Variants in PATJ observed in about 807,000 individuals in gnomAD.
PATJ encodes the protein PATJ crumbs cell polarity complex component, also known as inaD-like protein.
A neutral mutation model predicts 224.9 loss-of-function variants in PATJ; 190 were observed. That is an observed-to-expected ratio of 0.84 (90% CI 0.75 to 0.95). The LOEUF is 0.95. PATJ is among the 40% of genes least tolerant of loss of function. PATJ has a pLI of 0.00. For missense variants in PATJ, 2,121 were observed against 2,270.3 expected (o/e 0.93, Z 1.34); for synonymous variants, 769 against 820.3 (o/e 0.94, Z 1.07).
At position 61,766,387 on chromosome 1, in the gene PATJ, A is replaced by C. The variant is rs1646274589; in HGVS notation, c.298A>C (p.Asn100His). 1.2e-6 allele frequency: 2 copies of C among 1,612,586 alleles called. No individual in the cohort carries two copies. Among genetic ancestry groups the C allele is most frequent in the Non-Finnish European group, 1.7e-6 (2 of 1,179,260 alleles). ...TAATGGAAATGTCCACAGGCCCTCT[A>C]ATAACTCGACTGTATCTGGGTTATT... ...ITNGNVHRPS[N>H]NSTVSGLFPW... Residue 100 changes from asparagine (N) to histidine (H), a missense_variant, in exon 4 of 44, where the codon AAT (asparagine) becomes CAT (histidine). Transcript: ENST00000642238.
At chr1:61,841,649 T>C (rs946367991) in intron 17 of PATJ, among the ~76,000 whole-genome samples, 3 of 150,840 alleles carry the variant, frequency 2.0e-5, no homozygotes, top group African/African-American at 7.3e-5. Flanking sequence ...ATATAAGATA[T>C]TGGTACTAAG....
At chr1:61,914,761 G>C (rs1047643529) in intron 26 of PATJ, 97 bp downstream of exon 26, 1 of 648,046 alleles carries the variant, frequency 1.5e-6, no homozygotes, top group African/African-American at 1.8e-5. Context: ...TTTTTGATGA[G>C]TGTCAGTGTT....
intron 37 of PATJ, 38 bp from the exon 38 acceptor site, chr1:62,121,143 G>T: frequency 7.6e-7 from 1 of 1,316,088 alleles, no homozygotes; most frequent in East Asian, 2.3e-5. Context: ...GGTCAAGTCA[G>T]TGTCTGCACA....
chr1:61,759,220 C>G (rs1645822492), intron 1 of PATJ, among the ~76,000 whole-genome samples: 1 of 151,938 alleles, frequency 6.6e-6, no homozygotes, highest in Non-Finnish European at 1.5e-5. Flanking sequence ...TTTTTTAAAG[C>G]TCATCAGCTA....
At chr1:62,135,849 A>G (rs1455065211) in intron 41 of PATJ, among the ~76,000 whole-genome samples, 1 of 152,132 alleles carries the variant, frequency 6.6e-6, no homozygotes, top group East Asian at 1.9e-4. Flanking sequence ...GTACTAACAT[A>G]GGCTTGAAGT....
intron 16 of PATJ, among the ~76,000 whole-genome samples, chr1:61,828,203 A>G (rs1012824288): frequency 6.6e-6 from 1 of 150,542 alleles, no homozygotes; most frequent in African/African-American, 2.4e-5. Flanking sequence ...AGATCACGCC[A>G]TTGCACTCCA....
intron 34 of PATJ, among the ~76,000 whole-genome samples, chr1:62,111,372 A>C (rs1663789633): frequency 6.6e-6 from 1 of 152,224 alleles, no homozygotes. Flanking sequence ...CTAAAGTAGC[A>C]GTGAATGATC....
intron 20 of PATJ, among the ~76,000 whole-genome samples, chr1:61,868,328 C>T (rs1665734721): frequency 6.6e-6 from 1 of 152,178 alleles, no homozygotes; most frequent in Non-Finnish European, 1.5e-5. Flanking sequence ...TATCCCCTGC[C>T]AACCAAACAC....
At chr1:62,003,392 A>G (rs1398635379) in intron 28 of PATJ, among the ~76,000 whole-genome samples, 1 of 152,178 alleles carries the variant, frequency 6.6e-6, no homozygotes, top group Non-Finnish European at 1.5e-5. Context: ...TGAGCTGCAT[A>G]TTACTATTAT....
chr1:62,094,934 G>A (rs896961202), intron 33 of PATJ, among the ~76,000 whole-genome samples: 2 of 152,168 alleles, frequency 1.3e-5, no homozygotes, highest in South Asian at 4.1e-4. Context: ...TTTATTATTT[G>A]TGAACCAAAT....
intron 28 of PATJ, among the ~76,000 whole-genome samples, chr1:62,002,600 T>A (rs988201375): frequency 3.3e-5 from 5 of 151,390 alleles, no homozygotes; most frequent in African/African-American, 1.2e-4. Context: ...TCCCAGCTAC[T>A]TGGGAGGCTG....
rs995234319 is a variant in PATJ at position 61,996,896 on chromosome 1, C to T, written c.3867+6532C>T. 2.6e-5 allele frequency among the ~76,000 whole-genome samples: 4 copies of T among 151,854 alleles called. No individual in the cohort carries two copies. The East Asian group carries it at 7.7e-4, about 29-fold the overall frequency. The stretch of plus-strand genomic sequence containing the variant: ...TACCTGGGATTACAGGTGCATACCA[C>T]CATGCCCGGCTAATTTTTGTATTTT... On this transcript the variant is annotated intron_variant, in intron 28 of 43. Coordinates refer to ENST00000642238, the MANE Select transcript of PATJ (RefSeq NM_001350145.3).
At position 62,125,264 on chromosome 1, in the gene PATJ, CAA is replaced by C. The variant is rs1284483252; in HGVS notation, c.5043+2215_5043+2216del. Among the ~76,000 whole-genome samples the C allele has an allele frequency of 7.8e-5, 5 of 64,198 alleles. 1 individual carries two copies. The highest frequency in any genetic ancestry group is 1.6e-4 in the Non-Finnish European group (5 of 31,016). The allele number at this position is 64,198 out of a possible 152,430, so 42.1% of individuals were successfully genotyped here. A position where few individuals can be genotyped will look rare whatever the true frequency, so the allele number is the denominator to read the frequency against. On this transcript the variant is annotated intron_variant, in intron 39 of 43. Coordinates refer to ENST00000642238, the MANE Select transcript of PATJ (RefSeq NM_001350145.3). Reference sequence around the variant, plus strand: ...AAAAAAAAAAAAAAACAAAAAAAAACAAAAAAAAAACGCCATTAGCTCTATAA... The same window carrying C: ...AAAAAAAAAAAAAAACAAAAAAAAACAAAAAAAACGCCATTAGCTCTATAA...
chr1:62,085,234 C>G (rs1471641011), intron 33 of PATJ, among the ~76,000 whole-genome samples: 8 of 152,110 alleles, frequency 5.3e-5, no homozygotes, highest in African/African-American at 1.9e-4. Flanking sequence ...TGCACTCTAG[C>G]CCCACTCCTT....
At chr1:61,804,137 A>G (rs1653074946) in intron 12 of PATJ, among the ~76,000 whole-genome samples, 1 of 152,186 alleles carries the variant, frequency 6.6e-6, no homozygotes, top group Admixed American at 6.5e-5. Context: ...TTACCAGTTA[A>G]GAAATTACTG....
At chr1:62,071,680 C>T (rs1657446505) in intron 31 of PATJ, among the ~76,000 whole-genome samples, 1 of 152,004 alleles carries the variant, frequency 6.6e-6, no homozygotes, top group Non-Finnish European at 1.5e-5. Flanking sequence ...CGGGGTTTTG[C>T]CATATTGGCC....
intron 30 of PATJ, among the ~76,000 whole-genome samples, chr1:62,045,046 C>T (rs968127498): frequency 3.3e-5 from 5 of 152,032 alleles, no homozygotes; most frequent in Admixed American, 2.6e-4. Flanking sequence ...GGCGAAACCC[C>T]GTCTCTACTA....
chr1:61,845,022 A>G (rs1661705297), intron 17 of PATJ, among the ~76,000 whole-genome samples: 1 of 152,200 alleles, frequency 6.6e-6, no homozygotes, highest in Non-Finnish European at 1.5e-5. Flanking sequence ...ATGGACTAAT[A>G]CAACAGGTAA....
intron 14 of PATJ, among the ~76,000 whole-genome samples, chr1:61,815,903 G>A (rs1656013625): frequency 6.6e-6 from 1 of 152,118 alleles, no homozygotes; most frequent in Admixed American, 6.6e-5. Flanking sequence ...TGGCTTTCTT[G>A]GCAAGTGTTT....
Sources: gnomAD v4.1 joint callset for allele counts (sites outside exome capture counted in the v4.1 genomes callset) on GRCh38, gnomAD v4.1.1 for gene constraint, MANE v1.5 for transcripts, NCBI Gene and HGNC (gene_info 2026-07-23, HGNC 2026-07-21) for gene names.